CRYM: variants seen among roughly 807,000 people sequenced by gnomAD.
The protein encoded by CRYM is crystallin mu.
In CRYM, 18 loss-of-function variants were observed where a neutral mutation model predicts 32.9. The ratio of observed to expected loss-of-function variants is 0.55; its 90% confidence interval spans 0.38 to 0.81. CRYM has a LOEUF of 0.81. Among genes scored for constraint, CRYM ranks in the 30% least tolerant of loss-of-function variants. The pLI is 0.00. For synonymous variants in CRYM, 153 were observed against 152.4 expected, an observed-to-expected ratio of 1.00 and a Z score of -0.03; for missense variants, 337 against 393.5, an observed-to-expected ratio of 0.86 and a Z score of 1.21.
At position 21,267,717 on chromosome 16, in the gene CRYM, G is replaced by T. The variant is rs760831720; in HGVS notation, c.510C>A (p.Thr170=). ...SFKEVRIWNR[T]KENAEKFADT... is the part of the protein sequence containing the mutation. ...CTGCAAACTTCTCTGCATTTTCTTT[G>T]GTGCGGTTCCATATCCTCACCTTCA... The change falls in exon 5 of 8, where the codon ACC becomes ACA. Residue 170 remains threonine, a synonymous_variant. Transcript: ENST00000572914. The T allele has an allele frequency of 1.2e-6, 2 of 1,614,070 alleles. No individual in the cohort carries two copies. The highest frequency in any genetic ancestry group is 1.7e-6 in the Non-Finnish European group (2 of 1,180,038).
intron 3 of CRYM, among the ~76,000 whole-genome samples, chr16:21,274,031 A>C (rs1411670035): frequency 2.6e-5 from 4 of 152,136 alleles, no homozygotes; most frequent in Admixed American, 6.5e-5. Context: ...TCGACATGCA[A>C]CCTGAACACC....
At chr16:21,278,036 C>A in intron 1 of CRYM, 46 bp downstream of exon 1, 1 of 1,522,280 alleles carries the variant, frequency 6.6e-7, no homozygotes. Flanking sequence ...CTCCTTTCCC[C>A]GCTTTCCAGT....
At chr16:21,297,505 T>C (rs1567243097) in intron 1 of CRYM, among the ~76,000 whole-genome samples, 1 of 152,204 alleles carries the variant, frequency 6.6e-6, no homozygotes, top group Non-Finnish European at 1.5e-5. Context: ...AAAAATTGAT[T>C]GGCAGAGCTT....
chr16:21,283,712 G>GT (rs2093402254), intron 1 of CRYM: 1 of 151,932 alleles, frequency 6.6e-6, no homozygotes, highest in Non-Finnish European at 1.5e-5. Flanking sequence ...TCCTCCGCGC[G>GT]CCCCCGGCAC....
chr16:21,269,860 C>G lies in CRYM; in HGVS notation c.419G>C (p.Cys140Ser). 1 of 1,611,274 alleles carries G rather than the reference C, an allele frequency of 6.2e-7. No homozygotes were observed. The highest frequency in any genetic ancestry group is 1.3e-5 in the African/African-American group (1 of 74,532). The change falls in exon 4 of 8, where the codon TGC (cysteine) becomes TCC (serine). Residue 140 changes from cysteine (C) to serine (S), a missense_variant. Coordinates refer to ENST00000572914, the MANE Select transcript of CRYM (RefSeq NM_001376256.1). ...GGCCTGGACCCCAGCCCCAAGGATG[C>G]ACAGCACTTCACTGCTGGGAGGTTT... ...FLKPPSSEVL[C>S]ILGAGVQAYS...
At chr16:21,275,718 G>A (rs2093384859) in intron 2 of CRYM, 124 bp from the exon 3 acceptor site, 11 of 757,774 alleles carry the variant, frequency 1.5e-5, no homozygotes, top group South Asian at 1.0e-4. Flanking sequence ...TGGGTTTGGC[G>A]TCAGACCTGG....
At chr16:21,289,555 T>C (rs1960562996) in intron 1 of CRYM, among the ~76,000 whole-genome samples, 1 of 152,194 alleles carries the variant, frequency 6.6e-6, no homozygotes, top group East Asian at 1.9e-4. Context: ...GGAGCAGTAA[T>C]CTATTTATAT....
At chr16:21,273,647 T>A (rs1237039515) in intron 3 of CRYM, among the ~76,000 whole-genome samples, 1 of 152,216 alleles carries the variant, frequency 6.6e-6, no homozygotes, top group African/African-American at 2.4e-5. Flanking sequence ...GACAAGACCA[T>A]GTGGCCTCAA....
intron 1 of CRYM, among the ~76,000 whole-genome samples, chr16:21,291,930 A>G (rs146185291): frequency 6.6e-6 from 1 of 152,208 alleles, no homozygotes; most frequent in Non-Finnish European, 1.5e-5. Flanking sequence ...AGTTAAATTT[A>G]TCATTTTTTA....
intron 1 of CRYM, among the ~76,000 whole-genome samples, chr16:21,294,342 T>A (rs202158460): frequency 8.7e-4 from 132 of 152,320 alleles, no homozygotes; most frequent in Admixed American, 4.1e-3. Context: ...TATTATTATT[T>A]TTTTAAATTT....
At chr16:21,302,073 A>G (rs1960959222) in intron 1 of CRYM, among the ~76,000 whole-genome samples, 1 of 152,178 alleles carries the variant, frequency 6.6e-6, no homozygotes, top group African/African-American at 2.4e-5. Context: ...CCCCGCCAAC[A>G]CACACACACC....
chr16:21,269,757 C>A (rs752353892), intron 4 of CRYM, 33 bp downstream of exon 4: 21 of 1,051,866 alleles, frequency 2.0e-5, no homozygotes, highest in Non-Finnish European at 2.9e-5. Flanking sequence ...CACCCCCTTC[C>A]CTCTTCTCTC....
intron 3 of CRYM, among the ~76,000 whole-genome samples, 153 bp downstream of exon 3, chr16:21,275,379 G>A (rs376753970): frequency 6.6e-5 from 10 of 152,274 alleles, no homozygotes; most frequent in Admixed American, 3.9e-4. Flanking sequence ...TAATAATTTC[G>A]TGAATTACTG....
At chr16:21,274,776 T>G (rs979214702) in intron 3 of CRYM, among the ~76,000 whole-genome samples, 4 of 152,072 alleles carry the variant, frequency 2.6e-5, no homozygotes, top group Admixed American at 2.0e-4. Flanking sequence ...CAGCTAATTT[T>G]TGTGTTTTTA....
intron 1 of CRYM, among the ~76,000 whole-genome samples, chr16:21,288,865 G>A (rs1960541119): frequency 6.6e-6 from 1 of 151,898 alleles, no homozygotes; most frequent in Admixed American, 6.6e-5. Flanking sequence ...GCTTAAGTTT[G>A]TATTGTCTAA....
chr16:21,264,608 G>A (rs141241118), intron 5 of CRYM, among the ~76,000 whole-genome samples: 1 of 152,296 alleles, frequency 6.6e-6, no homozygotes, highest in Non-Finnish European at 1.5e-5. Flanking sequence ...CTGCGCTTGT[G>A]ACACATTTTT....
chr16:21,298,868 C>T (rs550058797), intron 1 of CRYM, among the ~76,000 whole-genome samples: 4 of 152,350 alleles, frequency 2.6e-5, no homozygotes, highest in African/African-American at 9.6e-5. Flanking sequence ...AAAAATCCCA[C>T]ACTGTTACAA....
At chr16:21,288,542 C>T (rs1361331949) in intron 1 of CRYM, among the ~76,000 whole-genome samples, 1 of 151,926 alleles carries the variant, frequency 6.6e-6, no homozygotes, top group Non-Finnish European at 1.5e-5. Context: ...ATATAAAGGT[C>T]TTTGATTTGT....
intron 6 of CRYM, chr16:21,261,796 A>G (rs2093354982): frequency 5.7e-6 from 3 of 521,896 alleles, no homozygotes; most frequent in African/African-American, 1.9e-5. Context: ...CAGCCCAGCA[A>G]AAAAATAAAA....
Sources: gnomAD v4.1 joint callset for allele counts (sites outside exome capture counted in the v4.1 genomes callset) on GRCh38, gnomAD v4.1.1 for gene constraint, MANE v1.5 for transcripts, NCBI Gene and HGNC (gene_info 2026-07-23, HGNC 2026-07-21) for gene names.